LRRC4C: variants seen among roughly 807,000 people sequenced by gnomAD.
The protein encoded by LRRC4C is leucine-rich repeat-containing protein 4C.
A neutral mutation model predicts 33.6 loss-of-function variants in LRRC4C; 5 were observed. The observed-to-expected ratio is 0.15, with a 90% CI of 0.08 to 0.31. LRRC4C has a LOEUF of 0.31. Among genes scored for constraint, LRRC4C ranks in the 10% least tolerant of loss-of-function variants. LRRC4C has a pLI of 1.00. For synonymous variants in LRRC4C, 329 were observed against 302.0 expected, an observed-to-expected ratio of 1.09 and a Z score of -0.93; for missense variants, 560 against 796.7, an observed-to-expected ratio of 0.70 and a Z score of 3.58.
chr11:40,571,228 C>A (rs1332505880), intron 3 of LRRC4C, among the ~76,000 whole-genome samples: 1 of 152,120 alleles, frequency 6.6e-6, no homozygotes, highest in African/African-American at 2.4e-5. Flanking sequence ...AGACATAAAG[C>A]ATTCAACTAG....
intron 5 of LRRC4C, among the ~76,000 whole-genome samples, chr11:40,203,453 C>A (rs1027825518): frequency 6.6e-6 from 1 of 151,956 alleles, no homozygotes; most frequent in Non-Finnish European, 1.5e-5. Flanking sequence ...CATTCAAATG[C>A]AAAAAACCGA....
At chr11:40,854,488 A>C (rs558343518) in intron 2 of LRRC4C, among the ~76,000 whole-genome samples, 150 of 152,274 alleles carry the variant, frequency 9.9e-4, no homozygotes, top group Middle Eastern at 3.4e-3. Flanking sequence ...TTGTATTCAC[A>C]ATATGTGAGG....
At chr11:41,305,045 TGG>T (rs555211844) in intron 1 of LRRC4C, among the ~76,000 whole-genome samples, 1 of 2,100 alleles carries the variant, frequency 4.8e-4, no homozygotes, top group Non-Finnish European at 1.3e-3. Flanking sequence ...GGGAGGGAGG[TGG>T]GGGGGGGGTC....
At chr11:41,452,604 A>G (rs1956062126) in intron 1 of LRRC4C, among the ~76,000 whole-genome samples, 1 of 152,026 alleles carries the variant, frequency 6.6e-6, no homozygotes, top group Admixed American at 6.6e-5. Flanking sequence ...ACATTTTAGA[A>G]CCTGACTTTA....
In LRRC4C at chr11:41,134,017, C is replaced by A. The variant is rs1381841970; in HGVS notation, c.-495-200294G>T. 2.6e-5 allele frequency among the ~76,000 whole-genome samples: 4 copies of A among 152,182 alleles called. No individual in the cohort carries two copies. In the East Asian group the frequency reaches 5.8e-4, roughly 22 times the overall value. On this transcript the variant is annotated intron_variant, in intron 1 of 6. Transcript: ENST00000528697. ...AATTCAACTGCCTTGGGACCACTTA[C>A]TCAAGGCTTCTTGGGTTTGTGTTTT...
At chr11:40,181,293 T>A (rs1449626593) in intron 5 of LRRC4C, among the ~76,000 whole-genome samples, 1 of 152,154 alleles carries the variant, frequency 6.6e-6, no homozygotes, top group Non-Finnish European at 1.5e-5. Flanking sequence ...AGAAAGAAGA[T>A]GTGGGAACAA....
chr11:41,323,206 C>A (rs531066391), intron 1 of LRRC4C, among the ~76,000 whole-genome samples: 2 of 152,046 alleles, frequency 1.3e-5, no homozygotes, highest in South Asian at 2.1e-4. Flanking sequence ...GAGCTGAACA[C>A]CCCCATTTAT....
At chr11:40,158,163 A>G (rs755140457) in intron 5 of LRRC4C, among the ~76,000 whole-genome samples, 1 of 152,192 alleles carries the variant, frequency 6.6e-6, no homozygotes, top group Non-Finnish European at 1.5e-5. Context: ...TAACTCAGGA[A>G]TGTGAAACCA....
intron 5 of LRRC4C, among the ~76,000 whole-genome samples, chr11:40,159,144 C>CAAAG (rs574726041): frequency 2.0e-3 from 300 of 152,082 alleles, no homozygotes; most frequent in African/African-American, 6.6e-3. Flanking sequence ...TTTTGTACTC[C>CAAAG]AAAGAGTCTA....
chr11:40,131,619 C>G (rs956669946), intron 6 of LRRC4C, among the ~76,000 whole-genome samples: 1 of 151,992 alleles, frequency 6.6e-6, no homozygotes, highest in Non-Finnish European at 1.5e-5. Context: ...TTTGTAGTAC[C>G]CTTCCGTGAA....
At chr11:40,603,335 A>G (rs1374772229) in intron 3 of LRRC4C, among the ~76,000 whole-genome samples, 1 of 152,200 alleles carries the variant, frequency 6.6e-6, no homozygotes, top group Non-Finnish European at 1.5e-5. Flanking sequence ...CAAGAAAAGA[A>G]CCACTTACTG....
intron 3 of LRRC4C, among the ~76,000 whole-genome samples, chr11:40,638,403 T>C (rs111394051): frequency 4.6e-5 from 7 of 152,322 alleles, no homozygotes; most frequent in African/African-American, 1.7e-4. Flanking sequence ...TTCTGTTCCA[T>C]TTCTTCCTCT....
intron 2 of LRRC4C, among the ~76,000 whole-genome samples, chr11:40,849,985 A>G (rs1024146856): frequency 6.6e-6 from 1 of 151,656 alleles, no homozygotes; most frequent in Non-Finnish European, 1.5e-5. Flanking sequence ...CCATCAGGTC[A>G]TTTATGTTCT....
chr11:40,281,122 A>G (rs1416273620), intron 4 of LRRC4C, among the ~76,000 whole-genome samples: 1 of 152,110 alleles, frequency 6.6e-6, no homozygotes, highest in Non-Finnish European at 1.5e-5. Context: ...AAAAACATGT[A>G]ACTTCTGCTG....
chr11:41,368,853 C>T (rs1952640167), intron 1 of LRRC4C, among the ~76,000 whole-genome samples: 1 of 152,046 alleles, frequency 6.6e-6, no homozygotes, highest in African/African-American at 2.4e-5. Flanking sequence ...ACTTTTTTCC[C>T]CGCATCCTAA....
At chr11:40,508,783 T>C (rs914299301) in intron 3 of LRRC4C, among the ~76,000 whole-genome samples, 6 of 152,216 alleles carry the variant, frequency 3.9e-5, no homozygotes, top group African/African-American at 1.4e-4. Context: ...ATAATATATG[T>C]GAAACTGTTG....
intron 1 of LRRC4C, among the ~76,000 whole-genome samples, chr11:41,293,408 G>A (rs1053815257): frequency 5.9e-5 from 9 of 152,006 alleles, no homozygotes; most frequent in South Asian, 4.1e-4. Flanking sequence ...TTAGAAAAAC[G>A]TATATAGAAC....
chr11:40,638,522 T>C (rs1941903080), intron 3 of LRRC4C, among the ~76,000 whole-genome samples: 1 of 152,198 alleles, frequency 6.6e-6, no homozygotes, highest in South Asian at 2.1e-4. Flanking sequence ...AAATGATAAA[T>C]GTGACAATGC....
chr11:41,327,893 T>A (rs900903795), intron 1 of LRRC4C, among the ~76,000 whole-genome samples: 1 of 152,204 alleles, frequency 6.6e-6, no homozygotes, highest in African/African-American at 2.4e-5. Context: ...CCAGCCATGA[T>A]GAAATGTGAG....
Sources: gnomAD v4.1 joint callset for allele counts (sites outside exome capture counted in the v4.1 genomes callset) on GRCh38, gnomAD v4.1.1 for gene constraint, MANE v1.5 for transcripts, NCBI Gene and HGNC (gene_info 2026-07-23, HGNC 2026-07-21) for gene names.